Variants in SP9 observed in about 807,000 individuals in gnomAD.
SP9 encodes the protein transcription factor Sp9.
In SP9, 5 loss-of-function variants were observed where a neutral mutation model predicts 23.0. That is an observed-to-expected ratio of 0.22 (90% confidence interval 0.11 to 0.46). SP9 has a LOEUF of 0.46. Among genes scored for constraint, SP9 ranks in the 20% least tolerant of loss-of-function variants. The pLI is 0.99. For synonymous variants in SP9, 360 were observed against 356.5 expected (o/e 1.01, Z -0.11); for missense variants, 542 against 724.0 (o/e 0.75, Z 2.88).
In SP9 at chr2:174,338,287, T is replaced by G. The variant is rs1437234437; in HGVS notation, c.*747T>G. 6.6e-6 allele frequency: 1 copy of G among 152,216 alleles called. No individual in the cohort carries two copies. Among genetic ancestry groups the G allele is most frequent in the Non-Finnish European group, 1.5e-5 (1 of 68,042 alleles). 9.4% of individuals were successfully genotyped at this position (152,216 alleles called of 1,614,324 possible). On this transcript the variant is annotated 3_prime_UTR_variant, in exon 2 of 2. Transcript: ENST00000394967. ...TTCATTCGAATAGAGTTTTTTTGGG[T>G]GAATCCCTGAAATTCAGGGAGTTTT...
rs1684382403 is a variant in SP9 at position 174,335,026 on chromosome 2, C to T, written c.-67C>T. ...ACGCGGGAGCCGCGCGGGACCCAAGCAGTTTTTCCGAGCAGCCGCCAGGCT... is the reference window on the plus strand; with the variant it reads ...ACGCGGGAGCCGCGCGGGACCCAAGTAGTTTTTCCGAGCAGCCGCCAGGCT... On this transcript the variant is annotated 5_prime_UTR_variant, in exon 1 of 2. Transcript: ENST00000394967. 2.6e-6 allele frequency: 4 copies of T among 1,531,544 alleles called. No homozygotes were observed. The highest frequency in any genetic ancestry group is 1.8e-6 in the Non-Finnish European group (2 of 1,130,296). The allele number at this position is 1,531,544 out of a possible 1,614,324, so 94.9% of individuals were successfully genotyped here.
rs1182014765 is a variant in SP9, at chr2:174,337,446, G to GGGC, written c.1368_1370dup (p.Ala470dup). The GGGC allele has an allele frequency of 2.4e-5, 32 of 1,314,454 alleles. No homozygotes were observed. The African/African-American group carries it at 3.9e-4, about 16-fold the overall frequency. The allele number at this position is 1,314,454 out of a possible 1,614,324, so 81.4% of individuals were successfully genotyped here. On this transcript the variant is annotated inframe_insertion, in exon 2 of 2. Transcript: ENST00000394967. ...CATGACTCCGGCGTCAGTGCCGCCC[G>GGGC]GGCGGCGGCAGCGGCGGCGGCGGCA...
At chr2:174,335,276 T>C (rs149366478) in intron 1 of SP9, 163 bp downstream of exon 1, 845 of 721,060 alleles carry the variant, frequency 1.2e-3, no homozygotes, top group Middle Eastern at 6.8e-3. Context: ...CCCCAAGTTT[T>C]TGGAACCCAG....
rs1433245579 is a variant in SP9 at position 174,337,344 on chromosome 2, G to A, written c.1259G>A (p.Gly420Asp). 1 of 1,550,550 alleles carries A rather than the reference G, an allele frequency of 6.4e-7. No individual in the cohort carries two copies. The highest frequency in any genetic ancestry group is 1.4e-5 in the African/African-American group (1 of 73,126). ...HIKTHNGGGG[G>D]KKGSDSDTDA... ...AAGACGCACAACGGGGGCGGCGGGG[G>A]CAAAAAGGGCAGCGACAGTGACACG... The change falls in exon 2 of 2, where the codon GGC (glycine) becomes GAC (aspartate). Residue 420 changes from glycine (G) to aspartate (D), a missense_variant. This residue lies in a region of SP9 where 35 missense variants were observed against 67.2 expected (regional missense o/e 0.52). Transcript: ENST00000394967.
chr2:174,335,894 GCGCCTGGACCTT>G, intron 1 of SP9: 1 of 542,074 alleles, frequency 1.8e-6, no homozygotes, highest in Non-Finnish European at 3.3e-6. Flanking sequence ...CAACTTTCCG[GCGCCTGGACCTT>G]CGCCCGGGTG....
At chr2:174,335,999 C>G in intron 1 of SP9, 108 bp from the exon 2 acceptor site, 3 of 1,080,576 alleles carry the variant, frequency 2.8e-6, no homozygotes, top group Admixed American at 2.7e-5. Flanking sequence ...CAGGACCCCC[C>G]GGGAGCAGCC....
chr2:174,337,270 G>A lies in SP9; in HGVS notation c.1185G>A (p.Pro395=), dbSNP rs753741766. The change falls in exon 2 of 2, where the codon CCG becomes CCA. Residue 395 remains proline (P), a synonymous_variant. Coordinates refer to ENST00000394967, the MANE Select transcript of SP9 (RefSeq NM_001145250.2). ...CGGGCGAGAAGCGCTTCGCCTGTCC[G>A]GTGTGCAACAAGCGCTTCATGCGCA... ...THTGEKRFAC[P]VCNKRFMRSD... 64 of 1,563,052 alleles carry A rather than the reference G, an allele frequency of 4.1e-5. No homozygotes were observed. The highest frequency in any genetic ancestry group is 1.2e-4 in the East Asian group (5 of 41,616).
Position 174,337,603 on chromosome 2 carries a change from G to T in SP9, c.*63G>T. ...GACACCGAGAACGAACGAGAGGTTC[G>T]GAGGGCGAGCGAGCGGGAGGCGGGA... is the stretch of plus-strand genomic sequence containing the variant. On this transcript the variant is annotated 3_prime_UTR_variant, in exon 2 of 2. Coordinates refer to ENST00000394967, the MANE Select transcript of SP9 (RefSeq NM_001145250.2). 1 of 1,100,654 alleles carries T rather than the reference G, an allele frequency of 9.1e-7. No individual in the cohort carries two copies. Among genetic ancestry groups the T allele is most frequent in the Non-Finnish European group, 1.1e-6 (1 of 903,580 alleles). The allele number at this position is 1,100,654 out of a possible 1,614,324, so 68.2% of individuals were successfully genotyped here. A position where few individuals can be genotyped will look rare whatever the true frequency, so the allele number is the denominator to read the frequency against.
At chr2:174,335,659 G>C (rs1182685811) in intron 1 of SP9, 1 of 182,170 alleles carries the variant, frequency 5.5e-6, no homozygotes, top group Non-Finnish European at 1.1e-5. Flanking sequence ...CACCCTGGGA[G>C]AGCTGCAAGT....
intron 1 of SP9, chr2:174,335,880 A>G: frequency 3.7e-6 from 2 of 537,344 alleles, no homozygotes; most frequent in Non-Finnish European, 3.3e-6. Context: ...GCCTCAGCGA[A>G]GTGCAACTTT....
chr2:174,337,485 C>T lies in SP9; in HGVS notation c.1400C>T (p.Ala467Val). 8.3e-7 allele frequency: 1 copy of T among 1,202,976 alleles called. No individual in the cohort carries two copies. The highest frequency in any genetic ancestry group is 1.0e-6 in the Non-Finnish European group (1 of 963,232). 74.5% of individuals were successfully genotyped at this position (1,202,976 alleles called of 1,614,324 possible). Reference protein sequence around the residue: ...AAAAAAAAAAAAAASAGGKEA... With the variant: ...AAAAAAAAAAVAAASAGGKEA... ...GCGGCGGCGGCAGCGGCGGCGGCGG[C>T]GGCGGCGGCCTCCGCGGGAGGCAAG... The change falls in exon 2 of 2, where the codon GCG (alanine) becomes GTG (valine). Residue 467 changes from alanine to valine, a missense_variant. Physicochemically the swap from Ala to Val is moderately conservative, Grantham distance 64 (BLOSUM62 0). Around this residue, in one of 8 missense-constraint regions of SP9, gnomAD observed 55 missense variants for 56.1 expected, o/e 0.98. Coordinates refer to ENST00000394967, the MANE Select transcript of SP9 (RefSeq NM_001145250.2).
rs1183132957 is a variant in SP9, at chr2:174,337,486, G to A, written c.1401G>A (p.Ala467=). 2.5e-5 allele frequency: 30 copies of A among 1,211,896 alleles called. No homozygotes were observed. Among genetic ancestry groups the A allele is most frequent in the East Asian group, 1.4e-4 (4 of 27,590 alleles). 75.1% of individuals were successfully genotyped at this position (1,211,896 alleles called of 1,614,324 possible). ...AAAAAAAAAA[A]AAASAGGKEA... is the part of the protein sequence containing the mutation. The stretch of plus-strand genomic sequence containing the variant: ...CGGCGGCGGCAGCGGCGGCGGCGGC[G>A]GCGGCGGCCTCCGCGGGAGGCAAGG... The change falls in exon 2 of 2, where the codon GCG becomes GCA. Residue 467 remains alanine, a synonymous_variant. Transcript: ENST00000394967.
intron 1 of SP9, chr2:174,335,397 G>C: frequency 2.1e-6 from 1 of 476,384 alleles, no homozygotes; most frequent in Non-Finnish European, 3.8e-6. Context: ...CCCATCCCCC[G>C]CATTGCTTTG....
At position 174,336,730 on chromosome 2, in the gene SP9, G is replaced by A. The variant is rs1306730530; in HGVS notation, c.645G>A (p.Ser215=). Reference sequence around the variant, plus strand: ...GCGCCCCCCAGGCCTCGCTGCACTCGCAGCTGGGCACCTACAACCCCGACT... The same window carrying A: ...GCGCCCCCCAGGCCTCGCTGCACTCACAGCTGGGCACCTACAACCCCGACT... The part of the protein sequence containing the change: ...HSGAPQASLH[S]QLGTYNPDFS... Residue 215 remains serine (S), a synonymous_variant, in exon 2 of 2, where the codon TCG becomes TCA. Coordinates refer to ENST00000394967, the MANE Select transcript of SP9 (RefSeq NM_001145250.2). The A allele has an allele frequency of 6.5e-7, 1 of 1,529,452 alleles. No individual in the cohort carries two copies. 94.7% of individuals were successfully genotyped at this position (1,529,452 alleles called of 1,614,324 possible).
chr2:174,335,428 C>A, intron 1 of SP9: 1 of 397,466 alleles, frequency 2.5e-6, no homozygotes, highest in South Asian at 4.2e-5. Flanking sequence ...TGCAATTATG[C>A]GACAATGGTG....
chr2:174,335,781 T>C, intron 1 of SP9: 1 of 334,948 alleles, frequency 3.0e-6, no homozygotes, highest in Non-Finnish European at 5.5e-6. Context: ...CTTGGGGTCT[T>C]CTGGGAGATG....
At position 174,336,260 on chromosome 2, in the gene SP9, C is replaced by T; in HGVS notation, c.175C>T (p.Leu59Phe). The T allele has an allele frequency of 6.5e-7, 1 of 1,544,580 alleles. No individual in the cohort carries two copies. Among genetic ancestry groups the T allele is most frequent in the Non-Finnish European group, 8.7e-7 (1 of 1,144,808 alleles). Residue 59 changes from leucine (L) to phenylalanine (F), a missense_variant, in exon 2 of 2, where the codon CTC becomes TTC. This residue lies in a region of SP9 where 201 missense variants were observed against 226.3 expected (regional missense o/e 0.89). Coordinates refer to ENST00000394967, the MANE Select transcript of SP9 (RefSeq NM_001145250.2). Reference protein sequence around the residue: ...PWKRSSSSCNLGSSLSGFAVA... With the variant: ...PWKRSSSSCNFGSSLSGFAVA... ...GAAGCGCTCCTCGTCCAGCTGCAAC[C>T]TCGGCTCCAGCCTCTCGGGCTTCGC...
Position 174,336,565 on chromosome 2 carries a change from G to A in SP9, c.480G>A (p.Lys160=). ...GMAHPYESWY[K]SGFHSTLAAG... The stretch of plus-strand genomic sequence containing the variant: ...CGCACCCGTACGAGTCCTGGTACAA[G>A]TCGGGCTTCCATTCGACGCTGGCGG... Residue 160 remains lysine, a synonymous_variant, in exon 2 of 2, where the codon AAG becomes AAA. Coordinates refer to ENST00000394967, the MANE Select transcript of SP9 (RefSeq NM_001145250.2). The A allele has an allele frequency of 2.1e-6, 3 of 1,431,354 alleles. No homozygotes were observed. Among genetic ancestry groups the A allele is most frequent in the Non-Finnish European group, 1.8e-6 (2 of 1,095,470 alleles). 88.7% of individuals were successfully genotyped at this position (1,431,354 alleles called of 1,614,324 possible). A position where few individuals can be genotyped will look rare whatever the true frequency, so the allele number is the denominator to read the frequency against.
chr2:174,337,489 G>C lies in SP9; in HGVS notation c.1404G>C (p.Ala468=). The change falls in exon 2 of 2, where the codon GCG becomes GCC. Residue 468 remains alanine, a synonymous_variant. Coordinates refer to ENST00000394967, the MANE Select transcript of SP9 (RefSeq NM_001145250.2). ...AAAAAAAAAA[A]AASAGGKEAA... The stretch of plus-strand genomic sequence containing the variant: ...CGGCGGCAGCGGCGGCGGCGGCGGC[G>C]GCGGCCTCCGCGGGAGGCAAGGAAG... 8.3e-7 allele frequency: 1 copy of C among 1,199,070 alleles called. No homozygotes were observed. The highest frequency in any genetic ancestry group is 1.0e-6 in the Non-Finnish European group (1 of 962,320). The allele number at this position is 1,199,070 out of a possible 1,614,324, so 74.3% of individuals were successfully genotyped here.
Sources: gnomAD v4.1 joint callset for allele counts on GRCh38, gnomAD v4.1.1 for gene constraint, gnomAD v4.1.1 regional missense constraint, MANE v1.5 for transcripts, NCBI Gene and HGNC (gene_info 2026-07-23, HGNC 2026-07-21) for gene names.